TIMP2: variants seen among roughly 807,000 people sequenced by gnomAD.
TIMP2 encodes the protein metalloproteinase inhibitor 2.
Under a neutral mutation model 24.3 loss-of-function variants are expected in TIMP2, and 5 were observed. The observed-to-expected ratio is 0.21, with a 90% CI of 0.11 to 0.43. The LOEUF (loss-of-function observed/expected upper bound fraction) is 0.43. Ranked by LOEUF, TIMP2 falls within the 20% of genes least tolerant of loss-of-function variation. The pLI is 1.00. For missense variants in TIMP2, 221 were observed against 297.5 expected (o/e 0.74, Z 1.89); for synonymous variants, 130 against 123.2 (o/e 1.06, Z -0.37).
chr17:78,857,111 C>T (rs1599143358), intron 4 of TIMP2: 2 of 179,294 alleles, frequency 1.1e-5, no homozygotes, highest in South Asian at 2.4e-4. Flanking sequence ...GCCTCATCCT[C>T]CCAAGTTGCT....
rs2070343146 is a variant in TIMP2 at position 78,925,316 on chromosome 17, G to A, written c.-228C>T. 1 of 150,378 alleles carries A rather than the reference G, an allele frequency of 6.6e-6. No homozygotes were observed. Among genetic ancestry groups the A allele is most frequent in the Non-Finnish European group, 1.5e-5 (1 of 66,932 alleles). 9.3% of individuals were successfully genotyped at this position (150,378 alleles called of 1,614,324 possible). On this transcript the variant is annotated 5_prime_UTR_variant, in exon 1 of 5. Coordinates refer to ENST00000262768, the MANE Select transcript of TIMP2 (RefSeq NM_003255.5). ...GGCGCAATTCGCCGGGCGGGGCGGC[G>A]GGGTGGGGGGCGGCGGGCGAGCGGC...
chr17:78,896,234 T>G lies in TIMP2; in HGVS notation c.131-22315A>C, dbSNP rs956090447. 9.9e-5 allele frequency among the ~76,000 whole-genome samples: 15 copies of G among 152,214 alleles called. No individual in the cohort carries two copies. Among genetic ancestry groups the G allele is most frequent in the Non-Finnish European group, 1.5e-4 (10 of 68,032 alleles). ...GCAGAGGGCAGGGTCTCACGTGGACTTGTGCAGGCACTGGCAGGGAAAGCA... is the reference window on the plus strand; with the variant it reads ...GCAGAGGGCAGGGTCTCACGTGGACGTGTGCAGGCACTGGCAGGGAAAGCA... On this transcript the variant is annotated intron_variant, in intron 1 of 4. Transcript: ENST00000262768. The surrounding 1 kb of genome is among the most constrained non-coding windows in gnomAD (Gnocchi z 4.4).
chr17:78,880,225 C>T (rs2069767493), intron 1 of TIMP2, among the ~76,000 whole-genome samples: 1 of 152,196 alleles, frequency 6.6e-6, no homozygotes, highest in Non-Finnish European at 1.5e-5. Flanking sequence ...TCCTCGGTGT[C>T]CCCTCTGCTG....
chr17:78,908,448 C>T (rs77342818), intron 1 of TIMP2, among the ~76,000 whole-genome samples: 2,704 of 152,272 alleles, frequency 0.018, 94 homozygotes, highest in African/African-American at 0.06. Flanking sequence ...ATACCTGTCA[C>T]CAAGGCCTTC....
chr17:78,924,925 G>GC lies in TIMP2; in HGVS notation c.130+33dup. ...CCCTCGGGGTCGCGGGGGAGGTGGG[G>GC]CCCCGCGCGGGGGCTGGGGTCGCCG... On this transcript the variant is annotated intron_variant, in intron 1 of 4. Transcript: ENST00000262768. The surrounding 1 kb of genome is among the most constrained non-coding windows in gnomAD (Gnocchi z 5.3). The GC allele has an allele frequency of 8.4e-7, 1 of 1,195,438 alleles. No individual in the cohort carries two copies. The highest frequency in any genetic ancestry group is 1.0e-6 in the Non-Finnish European group (1 of 956,776). The allele number at this position is 1,195,438 out of a possible 1,614,324, so 74.1% of individuals were successfully genotyped here. A position where few individuals can be genotyped will look rare whatever the true frequency, so the allele number is the denominator to read the frequency against.
chr17:78,923,398 G>C (rs1044681393), intron 1 of TIMP2, among the ~76,000 whole-genome samples: 2 of 59,510 alleles, frequency 3.4e-5, no homozygotes, highest in East Asian at 1.6e-3. Flanking sequence ...GGGCGGGGTG[G>C]GGGGGGGGGC....
Position 78,872,555 on chromosome 17 carries a change from A to G in TIMP2, c.231+1264T>C, listed in dbSNP as rs995499825. Among the ~76,000 whole-genome samples the G allele has an allele frequency of 2.0e-5, 3 of 152,200 alleles. No homozygotes were observed. In the East Asian group the frequency reaches 5.8e-4, roughly 29 times the overall value. ...GGAAGCATGCCTGATGTCATGACAA[A>G]TGGCTTGAGAGTGACACTCCAGCTT... On this transcript the variant is annotated intron_variant, in intron 2 of 4. Transcript: ENST00000262768.
chr17:78,895,067 G>A (rs2069977347), intron 1 of TIMP2, among the ~76,000 whole-genome samples: 1 of 152,114 alleles, frequency 6.6e-6, no homozygotes. Flanking sequence ...GATCACTTGA[G>A]GTCAGGAGTT....
intron 1 of TIMP2, chr17:78,890,636 A>G (rs1279774737): frequency 6.5e-7 from 1 of 1,548,414 alleles, no homozygotes; most frequent in South Asian, 1.2e-5. Context: ...GGCCTCTCGC[A>G]TTTAGCATAT....
At chr17:78,900,544 C>A (rs367850498) in intron 1 of TIMP2, among the ~76,000 whole-genome samples, 14 of 145,140 alleles carry the variant, frequency 9.6e-5, no homozygotes, top group African/African-American at 1.0e-4. Flanking sequence ...GACTCCATTT[C>A]AAAAAAAAAA....
chr17:78,893,490 G>A (rs1207714167), intron 1 of TIMP2, among the ~76,000 whole-genome samples: 2 of 149,142 alleles, frequency 1.3e-5, no homozygotes, highest in African/African-American at 5.0e-5. Flanking sequence ...TGTGTGCAGG[G>A]GTGTGTGCGC....
chr17:78,915,526 C>T (rs201917590), intron 1 of TIMP2, among the ~76,000 whole-genome samples: 3 of 147,100 alleles, frequency 2.0e-5, no homozygotes, highest in East Asian at 4.0e-4. Flanking sequence ...TTTTTTTCTT[C>T]TTTTTTTTTT....
intron 3 of TIMP2, among the ~76,000 whole-genome samples, chr17:78,864,141 T>A (rs1375500305): frequency 6.6e-6 from 1 of 152,134 alleles, no homozygotes; most frequent in East Asian, 1.9e-4. Context: ...AGTGCAGTGG[T>A]GCAGTCCTAG....
At chr17:78,882,242 G>A (rs1173837939) in intron 1 of TIMP2, among the ~76,000 whole-genome samples, 3 of 152,240 alleles carry the variant, frequency 2.0e-5, no homozygotes, top group African/African-American at 7.2e-5. Context: ...AGAGTGCTGG[G>A]ATTACAGGCG....
chr17:78,878,778 G>A (rs1197490348), intron 1 of TIMP2, among the ~76,000 whole-genome samples: 3 of 152,168 alleles, frequency 2.0e-5, no homozygotes, highest in Admixed American at 6.6e-5. Flanking sequence ...CAGAGCCTGA[G>A]GGCATCTCCA....
intron 1 of TIMP2, among the ~76,000 whole-genome samples, chr17:78,888,144 T>C (rs2005542): frequency 6.0e-5 from 9 of 151,172 alleles, no homozygotes; most frequent in Admixed American, 5.9e-4. Flanking sequence ...CAGGTATATA[T>C]CTTTTTGTTT....
At chr17:78,864,244 C>G (rs968293562) in intron 3 of TIMP2, among the ~76,000 whole-genome samples, 3 of 151,746 alleles carry the variant, frequency 2.0e-5, no homozygotes, top group African/African-American at 7.3e-5. Flanking sequence ...CCACACCCAG[C>G]TCATCTCTTC....
intron 3 of TIMP2, among the ~76,000 whole-genome samples, chr17:78,865,858 C>G (rs9894212): frequency 0.31 from 47,083 of 152,068 alleles, 9,240 homozygotes; most frequent in African/African-American, 0.55. Flanking sequence ...TGTTTGGACA[C>G]CGGTGCTGGC....
intron 4 of TIMP2, 85 bp downstream of exon 4, chr17:78,857,437 T>C (rs2069532691): frequency 1.3e-6 from 2 of 1,582,764 alleles, no homozygotes; most frequent in East Asian, 2.2e-5. Flanking sequence ...TAACGGGTCC[T>C]GGAAAGCCAG....
Sources: allele counts gnomAD v4.1 joint callset (sites outside exome capture counted in the v4.1 genomes callset), GRCh38; gene constraint gnomAD v4.1.1; non-coding constraint Gnocchi (gnomAD v3.1); transcripts MANE v1.5; gene names NCBI Gene and HGNC (gene_info 2026-07-23, HGNC 2026-07-21).